MALRD1: variants seen among roughly 807,000 people sequenced by gnomAD.
MALRD1 encodes MAM and LDL-receptor class A domain-containing protein 1.
A neutral mutation model predicts 242.1 loss-of-function variants in MALRD1; 247 were observed. The observed-to-expected ratio is 1.02, with a 90% CI of 0.92 to 1.13. MALRD1 has a LOEUF of 1.13. Among genes scored for constraint, MALRD1 ranks in the 50% most tolerant of loss-of-function variants. The pLI is 0.00. For synonymous variants in MALRD1, 995 were observed against 866.6 expected (o/e 1.15, Z -2.60); for missense variants, 2,989 against 2,533.1 (o/e 1.18, Z -3.86).
Position 19,329,587 on chromosome 10 carries a change from A to AT in MALRD1, c.3688-1780dup, listed in dbSNP as rs142524194. Among the ~76,000 whole-genome samples the AT allele has an allele frequency of 4.0e-3, 610 of 152,290 alleles. 4 individuals are homozygous for AT. The highest frequency in any genetic ancestry group is 0.014 in the African/African-American group (592 of 41,572). On this transcript the variant is annotated intron_variant, in intron 23 of 39. Coordinates refer to ENST00000454679, the MANE Select transcript of MALRD1 (RefSeq NM_001142308.3). ...TAGTATTATTATCTCCATATTATAA[A>AT]TTAGAATACAGAAATACCCAGATGT...
At chr10:19,203,343 T>C (rs1337696344) in intron 14 of MALRD1, among the ~76,000 whole-genome samples, 1 of 152,056 alleles carries the variant, frequency 6.6e-6, no homozygotes, top group Non-Finnish European at 1.5e-5. Context: ...CTTTTCATGA[T>C]TTAACATAAA....
intron 26 of MALRD1, among the ~76,000 whole-genome samples, chr10:19,354,196 A>C (rs1466303084): frequency 6.6e-6 from 1 of 152,196 alleles, no homozygotes; most frequent in Non-Finnish European, 1.5e-5. Flanking sequence ...AAAGTTTTAA[A>C]GTATGTACAA....
chr10:19,339,667 A>G (rs1843756276), intron 24 of MALRD1, among the ~76,000 whole-genome samples: 1 of 152,210 alleles, frequency 6.6e-6, no homozygotes, highest in Admixed American at 6.5e-5. Context: ...GTAACAAACT[A>G]CAGCAAAATT....
At chr10:19,079,535 C>A (rs1835418204) in intron 2 of MALRD1, among the ~76,000 whole-genome samples, 1 of 151,848 alleles carries the variant, frequency 6.6e-6, no homozygotes, top group African/African-American at 2.4e-5. Context: ...TATTTTCTTG[C>A]TGATCTTCTA....
chr10:19,559,221 T>G (rs1212776694), intron 32 of MALRD1, among the ~76,000 whole-genome samples: 1 of 151,796 alleles, frequency 6.6e-6, no homozygotes, highest in East Asian at 1.9e-4. Flanking sequence ...ATATTTTTCA[T>G]TACCCTTTTA....
intron 33 of MALRD1, among the ~76,000 whole-genome samples, chr10:19,575,956 C>G (rs1245273851): frequency 6.6e-6 from 1 of 152,218 alleles, no homozygotes; most frequent in Non-Finnish European, 1.5e-5. Flanking sequence ...AGATAGACCA[C>G]TCCCCTATCT....
intron 4 of MALRD1, among the ~76,000 whole-genome samples, chr10:19,102,027 A>G (rs1026120256): frequency 3.6e-4 from 50 of 138,916 alleles, no homozygotes; most frequent in African/African-American, 1.2e-3. Flanking sequence ...TGTTTTAATT[A>G]TAAACTATAT....
chr10:19,652,227 A>G (rs535157307), intron 36 of MALRD1, among the ~76,000 whole-genome samples: 67 of 152,350 alleles, frequency 4.4e-4, no homozygotes, highest in African/African-American at 1.5e-3. Context: ...ATTTTATCAT[A>G]CAAGGTTGGT....
chr10:19,548,379 C>CT (rs1258767245), intron 32 of MALRD1, among the ~76,000 whole-genome samples: 3 of 151,778 alleles, frequency 2.0e-5, no homozygotes, highest in African/African-American at 7.3e-5. Flanking sequence ...ATTGCTGTGC[C>CT]TTTTTTTCTA....
At chr10:19,520,893 A>G (rs1349260904) in intron 31 of MALRD1, among the ~76,000 whole-genome samples, 1 of 152,196 alleles carries the variant, frequency 6.6e-6, no homozygotes, top group Non-Finnish European at 1.5e-5. Context: ...CACATGTACC[A>G]TCTGAATCAG....
At chr10:19,544,833 A>G (rs1416376859) in intron 32 of MALRD1, among the ~76,000 whole-genome samples, 1 of 152,106 alleles carries the variant, frequency 6.6e-6, no homozygotes, top group Non-Finnish European at 1.5e-5. Context: ...TGTTATCATC[A>G]AGTAAAACTA....
At chr10:19,534,690 G>C (rs978856144) in intron 32 of MALRD1, among the ~76,000 whole-genome samples, 5 of 152,152 alleles carry the variant, frequency 3.3e-5, no homozygotes, top group African/African-American at 9.6e-5. Flanking sequence ...TCTGCTGTTG[G>C]TGTGGATGTA....
At chr10:19,177,079 C>A (rs1028920975) in intron 14 of MALRD1, among the ~76,000 whole-genome samples, 6 of 151,888 alleles carry the variant, frequency 4.0e-5, no homozygotes, top group Non-Finnish European at 8.8e-5. Flanking sequence ...GAGTTCAAGA[C>A]CTGCCTGGCC....
intron 36 of MALRD1, among the ~76,000 whole-genome samples, chr10:19,648,169 A>T (rs1840728112): frequency 6.6e-6 from 1 of 152,236 alleles, no homozygotes; most frequent in African/African-American, 2.4e-5. Flanking sequence ...GGGGCAAGAA[A>T]TGAAAGAGAA....
chr10:19,247,375 G>T (rs115872103), intron 18 of MALRD1, among the ~76,000 whole-genome samples: 1 of 151,848 alleles, frequency 6.6e-6, no homozygotes, highest in Non-Finnish European at 1.5e-5. Flanking sequence ...AATATTCAAG[G>T]ATAACTTGGG....
At chr10:19,402,253 C>T (rs1589026632) in intron 28 of MALRD1, among the ~76,000 whole-genome samples, 1 of 152,244 alleles carries the variant, frequency 6.6e-6, no homozygotes, top group East Asian at 1.9e-4. Context: ...AGATTGAGAC[C>T]ATCATGGGCA....
chr10:19,238,573 TAATG>T (rs1838601175), intron 18 of MALRD1, among the ~76,000 whole-genome samples: 2 of 118,402 alleles, frequency 1.7e-5, no homozygotes, highest in Non-Finnish European at 1.7e-5. Flanking sequence ...ATAATATACA[TAATG>T]TATATTATAT....
chr10:19,334,452 G>T (rs1843519825), intron 24 of MALRD1, among the ~76,000 whole-genome samples: 1 of 150,760 alleles, frequency 6.6e-6, no homozygotes, highest in African/African-American at 2.4e-5. Flanking sequence ...GAGATGACAA[G>T]TGTTTGAGAG....
rs193123344 is a variant in MALRD1, at chr10:19,515,050, T to C, written c.5321-16144T>C. 1.9e-3 allele frequency among the ~76,000 whole-genome samples: 296 copies of C among 151,992 alleles called. 2 individuals carry two copies. Among genetic ancestry groups the C allele is most frequent in the Non-Finnish European group, 1.2e-3 (81 of 67,972 alleles). On this transcript the variant is annotated intron_variant, in intron 31 of 39. Coordinates refer to ENST00000454679, the MANE Select transcript of MALRD1 (RefSeq NM_001142308.3). ...GTTTTATACTTTTTTCTTTTTCCCA[T>C]TTTGAAACAGCCATTTCTTATGCTT...
Sources: allele counts gnomAD v4.1 joint callset (sites outside exome capture counted in the v4.1 genomes callset), GRCh38; gene constraint gnomAD v4.1.1; transcripts MANE v1.5; gene names NCBI Gene and HGNC (gene_info 2026-07-23, HGNC 2026-07-21).